CRYBG3: variants seen among roughly 807,000 people sequenced by gnomAD.
The protein encoded by CRYBG3 is crystallin beta-gamma domain containing 3.
Under a neutral mutation model 244.2 loss-of-function variants are expected in CRYBG3, and 127 were observed. The observed-to-expected ratio is 0.52, with a 90% CI of 0.45 to 0.60. The LOEUF (loss-of-function observed/expected upper bound fraction) is 0.60, where lower values mean the gene tolerates loss of function less well. Among genes scored for constraint, CRYBG3 ranks in the 20% least tolerant of loss-of-function variants. The pLI is 0.00. For missense variants in CRYBG3, 3,325 were observed against 3,442.5 expected, an observed-to-expected ratio of 0.97 and a Z score of 0.85; for synonymous variants, 1,132 against 1,195.8, an observed-to-expected ratio of 0.95 and a Z score of 1.10.
rs2039938653 is a variant in CRYBG3 at position 97,917,262 on chromosome 3, A to G, written c.8241+1526A>G. Among the ~76,000 whole-genome samples the G allele has an allele frequency of 2.0e-5, 3 of 152,052 alleles. 1 individual carries two copies. The South Asian group carries it at 6.2e-4, about 32-fold the overall frequency. Reference sequence around the variant, plus strand: ...AAAATAAACAGAGATGTTTTCATGTAAGTTGTCATGTGGAGTGGCATGTCC... The same window carrying G: ...AAAATAAACAGAGATGTTTTCATGTGAGTTGTCATGTGGAGTGGCATGTCC... On this transcript the variant is annotated intron_variant, in intron 17 of 21. Transcript: ENST00000389622.
intron 2 of CRYBG3, among the ~76,000 whole-genome samples, chr3:97,849,596 T>A (rs186209017): frequency 6.6e-6 from 1 of 152,316 alleles, no homozygotes; most frequent in East Asian, 1.9e-4. Context: ...TTGAATTGAT[T>A]GTGTTGTAAG....
intron 17 of CRYBG3, among the ~76,000 whole-genome samples, chr3:97,917,636 G>A (rs963049621): frequency 1.3e-5 from 2 of 152,006 alleles, no homozygotes; most frequent in Admixed American, 6.6e-5. Flanking sequence ...TAAACCAGAA[G>A]GTCAATTTAG....
chr3:97,857,103 A>G (rs2039076360), intron 2 of CRYBG3, among the ~76,000 whole-genome samples: 1 of 152,072 alleles, frequency 6.6e-6, no homozygotes, highest in Non-Finnish European at 1.5e-5. Flanking sequence ...TTGACGAAAC[A>G]AATGTTTTAA....
In CRYBG3 at chr3:97,876,730, G is replaced by A. The variant is rs2039377416; in HGVS notation, c.5536G>A (p.Glu1846Lys). The A allele has an allele frequency of 1.6e-6, 2 of 1,255,542 alleles. No homozygotes were observed. The highest frequency in any genetic ancestry group is 2.0e-6 in the Non-Finnish European group (2 of 1,002,752). The allele number at this position is 1,255,542 out of a possible 1,614,324, so 77.8% of individuals were successfully genotyped here. A position where few individuals can be genotyped will look rare whatever the true frequency, so the allele number is the denominator to read the frequency against. ...GTCCACACCCTCTGTGATAGAAATG[G>A]AAAAAATATCCCCAGAAGATCGTGG... Reference protein sequence around the residue: ...TVSTPSVIEMEKISPEDRGEN... With the variant: ...TVSTPSVIEMKKISPEDRGEN... Residue 1846 changes from glutamate (E) to lysine (K), a missense_variant, in exon 4 of 22, where the codon GAA becomes AAA. Glu to Lys is a moderately conservative substitution (Grantham distance 56). Transcript: ENST00000389622.
At chr3:97,895,423 A>G (rs1192786083) in intron 11 of CRYBG3, among the ~76,000 whole-genome samples, 1 of 152,208 alleles carries the variant, frequency 6.6e-6, no homozygotes, top group East Asian at 1.9e-4. Flanking sequence ...GAAGCTAATA[A>G]TAGCTCAGTC....
At chr3:97,898,822 A>G (rs1206602738) in intron 12 of CRYBG3, 61 bp from the exon 13 acceptor site, 9 of 1,223,518 alleles carry the variant, frequency 7.4e-6, no homozygotes, top group Non-Finnish European at 9.1e-6. Context: ...TTTGCTAGAT[A>G]ATAGCAGTCC....
At chr3:97,900,347 C>G (rs1278996809) in intron 14 of CRYBG3, 106 bp from the exon 15 acceptor site, 1 of 686,274 alleles carries the variant, frequency 1.5e-6, no homozygotes, top group Non-Finnish European at 2.5e-6. Flanking sequence ...TACTCTGTCT[C>G]AAAAAAGAAA....
rs1418819263 is a variant in CRYBG3 at position 97,876,841 on chromosome 3, C to A, written c.5647C>A (p.Gln1883Lys). 8.7e-6 allele frequency: 12 copies of A among 1,374,112 alleles called. No homozygotes were observed. Among genetic ancestry groups the A allele is most frequent in the Admixed American group, 3.5e-5 (1 of 28,896 alleles). The allele number at this position is 1,374,112 out of a possible 1,614,324, so 85.1% of individuals were successfully genotyped here. A position where few individuals can be genotyped will look rare whatever the true frequency, so the allele number is the denominator to read the frequency against. Residue 1883 changes from glutamine to lysine, a missense_variant, in exon 4 of 22, where the codon CAA becomes AAA. Transcript: ENST00000389622. The part of the protein sequence containing the change: ...HGTGLELTTK[Q>K]GEAMLPAFES... ...AACAGGACTAGAATTGACCACTAAA[C>A]AAGGGGAGGCCATGCTTCCTGCATT...
chr3:97,871,079 A>G (rs1412235283), intron 3 of CRYBG3, among the ~76,000 whole-genome samples: 1 of 152,168 alleles, frequency 6.6e-6, no homozygotes, highest in East Asian at 1.9e-4. Flanking sequence ...ATAAGATAGT[A>G]TGGCGTGATG....
intron 17 of CRYBG3, among the ~76,000 whole-genome samples, chr3:97,929,691 T>C (rs561103977): frequency 3.3e-5 from 5 of 152,158 alleles, no homozygotes; most frequent in Admixed American, 2.6e-4. Flanking sequence ...TTATTAGCTA[T>C]GTCTCTTCTT....
At chr3:97,893,447 C>G (rs1372580797) in intron 11 of CRYBG3, among the ~76,000 whole-genome samples, 1 of 152,208 alleles carries the variant, frequency 6.6e-6, no homozygotes, top group East Asian at 1.9e-4. Flanking sequence ...CCTCCGGGCT[C>G]TGAACTGCTT....
At chr3:97,824,463 C>CT (rs1159283438) in intron 1 of CRYBG3, among the ~76,000 whole-genome samples, 1 of 152,132 alleles carries the variant, frequency 6.6e-6, no homozygotes, top group African/African-American at 2.4e-5. Context: ...CATCCTGAAA[C>CT]TGTTTTTTTG....
At chr3:97,891,567 C>G (rs1156811387) in intron 10 of CRYBG3, among the ~76,000 whole-genome samples, 9 of 152,136 alleles carry the variant, frequency 5.9e-5, no homozygotes, top group African/African-American at 2.2e-4. Flanking sequence ...CTTTCGTAAG[C>G]AGTCATACCA....
chr3:97,837,876 C>T (rs2038756398), intron 1 of CRYBG3, among the ~76,000 whole-genome samples: 3 of 152,068 alleles, frequency 2.0e-5, no homozygotes, highest in Admixed American at 1.3e-4. Flanking sequence ...TCCAGATTTC[C>T]CTGATGCAGT....
chr3:97,922,523 C>T, intron 17 of CRYBG3, among the ~76,000 whole-genome samples: 1 of 152,088 alleles, frequency 6.6e-6, no homozygotes, highest in Non-Finnish European at 1.5e-5. Flanking sequence ...AAAAAGTGGG[C>T]AAAGGATATG....
Position 97,873,067 on chromosome 3 carries a change from C to T in CRYBG3, c.1873C>T (p.Leu625Phe). 1 of 1,534,790 alleles carries T rather than the reference C, an allele frequency of 6.5e-7. No homozygotes were observed. Among genetic ancestry groups the T allele is most frequent in the Non-Finnish European group, 8.7e-7 (1 of 1,146,496 alleles). ...TAGAAGTCACATTTCAGAAACTCCTCTTGACTCTGAGAGTCCTCAACAAGC... is the reference window on the plus strand; with the variant it reads ...TAGAAGTCACATTTCAGAAACTCCTTTTGACTCTGAGAGTCCTCAACAAGC... ...LNRSHISETP[L>F]DSESPQQAEV... The change falls in exon 4 of 22, where the codon CTT becomes TTT. Residue 625 changes from leucine to phenylalanine, a missense_variant. By Grantham distance (22) the Leu-to-Phe change is conservative. Transcript: ENST00000389622.
At position 97,910,749 on chromosome 3, in the gene CRYBG3, AT is replaced by A. The variant is rs2039862124; in HGVS notation, c.8005-1416del. Among the ~76,000 whole-genome samples the A allele has an allele frequency of 3.3e-5, 5 of 152,174 alleles. No individual in the cohort carries two copies. The South Asian group carries it at 1.0e-3, about 32-fold the overall frequency. The stretch of plus-strand genomic sequence containing the variant: ...GGAGCTGTAGACCGGAGCTGTTCCT[AT>A]TCGGCCATCTTGGCTCCTCCCCCTT... On this transcript the variant is annotated intron_variant, in intron 15 of 21. Coordinates refer to ENST00000389622, the MANE Select transcript of CRYBG3 (RefSeq NM_153605.4).
chr3:97,930,811 T>C (rs1013296616), intron 17 of CRYBG3, among the ~76,000 whole-genome samples: 7 of 152,200 alleles, frequency 4.6e-5, no homozygotes, highest in Non-Finnish European at 7.4e-5. Context: ...TAAACTTTCC[T>C]TGATCAGCAG....
At chr3:97,833,968 C>G (rs1160760884) in intron 1 of CRYBG3, among the ~76,000 whole-genome samples, 4 of 151,988 alleles carry the variant, frequency 2.6e-5, no homozygotes, top group Non-Finnish European at 5.9e-5. Context: ...CAGGATGTGC[C>G]AGGTTCTTTT....
Sources: allele counts gnomAD v4.1 joint callset (sites outside exome capture counted in the v4.1 genomes callset), GRCh38; gene constraint gnomAD v4.1.1; transcripts MANE v1.5; gene names NCBI Gene and HGNC (gene_info 2026-07-23, HGNC 2026-07-21).